The following WFS1 variants were observed in gnomAD, a reference collection of about 807,000 sequenced individuals.
WFS1 encodes wolframin ER transmembrane glycoprotein.
A neutral mutation model predicts 68.5 loss-of-function variants in WFS1; 90 were observed. The observed-to-expected ratio is 1.31, with a 90% CI of 1.11 to 1.56. WFS1 has a LOEUF of 1.56. WFS1 is among the 40% of genes most tolerant of loss of function. The pLI is 0.00. For missense variants in WFS1, 1,767 were observed against 1,232.6 expected (o/e 1.43, Z -6.49); for synonymous variants, 860 against 540.7 (o/e 1.59, Z -8.19).
chr4:6,299,517 G>A (rs894477270), intron 7 of WFS1, among the ~76,000 whole-genome samples: 2 of 145,904 alleles, frequency 1.4e-5, no homozygotes, highest in African/African-American at 5.1e-5. Flanking sequence ...GGTTGCGTGT[G>A]TGTGAATGTG....
At chr4:6,281,409 G>A (rs1381228397) in intron 2 of WFS1, among the ~76,000 whole-genome samples, 1 of 151,962 alleles carries the variant, frequency 6.6e-6, no homozygotes, top group African/African-American at 2.4e-5. Flanking sequence ...AAAGGAGAGG[G>A]CATTGTCGTG....
intron 7 of WFS1, among the ~76,000 whole-genome samples, chr4:6,300,089 G>T (rs939978174): frequency 6.6e-6 from 1 of 152,062 alleles, no homozygotes; most frequent in African/African-American, 2.4e-5. Context: ...CTGGGAGAGT[G>T]GTGCTGGGCC....
intron 1 of WFS1, among the ~76,000 whole-genome samples, chr4:6,276,238 T>C (rs1729991365): frequency 6.6e-6 from 1 of 152,152 alleles, no homozygotes; most frequent in South Asian, 2.1e-4. Flanking sequence ...ACGCCGCTCA[T>C]CCAGGGCCCA....
At chr4:6,294,912 T>C in intron 6 of WFS1, 129 bp from the exon 7 acceptor site, 1 of 1,507,412 alleles carries the variant, frequency 6.6e-7, no homozygotes, top group Non-Finnish European at 9.1e-7. Flanking sequence ...AAGGGTTTCC[T>C]CCACCTGAAC....
chr4:6,278,617 G>A (rs1730063992), intron 2 of WFS1, among the ~76,000 whole-genome samples: 1 of 152,224 alleles, frequency 6.6e-6, no homozygotes, highest in African/African-American at 2.4e-5. Context: ...GTGCTCGAGT[G>A]GTCCAGGTTT....
chr4:6,302,476 C>T lies in WFS1; in HGVS notation c.*8C>T, dbSNP rs780737779. 1 of 1,612,352 alleles carries T rather than the reference C, an allele frequency of 6.2e-7. No individual in the cohort carries two copies. The highest frequency in any genetic ancestry group is 1.1e-5 in the South Asian group (1 of 91,074). ...TTCCTGTCGGCGGCCTGAGGATGGT[C>T]CGCCACGAGGAGCTTCCAGTGCATG... is the stretch of plus-strand genomic sequence containing the variant. On this transcript the variant is annotated 3_prime_UTR_variant, in exon 8 of 8. Transcript: ENST00000226760.
At position 6,283,320 on chromosome 4, in the gene WFS1, C is replaced by T. The variant is rs903796691; in HGVS notation, c.233-3773C>T. Among the ~76,000 whole-genome samples the T allele has an allele frequency of 6.6e-6, 1 of 152,280 alleles. No homozygotes were observed. The highest frequency in any genetic ancestry group is 2.1e-4 in the South Asian group (1 of 4,818). Reference sequence around the variant, plus strand: ...ATTTTGTGATTGATAGGCAGACTTTCAAAGAATGAGTTAGATTCAGGACCC... The same window carrying T: ...ATTTTGTGATTGATAGGCAGACTTTTAAAGAATGAGTTAGATTCAGGACCC... On this transcript the variant is annotated intron_variant, in intron 2 of 7. Coordinates refer to ENST00000226760, the MANE Select transcript of WFS1 (RefSeq NM_006005.3). The surrounding 1 kb of genome is among the most constrained non-coding windows in gnomAD (Gnocchi z 5.0).
chr4:6,299,247 C>T (rs111467518), intron 7 of WFS1, among the ~76,000 whole-genome samples: 16 of 152,224 alleles, frequency 1.1e-4, no homozygotes, highest in Non-Finnish European at 2.1e-4. Flanking sequence ...TTCACCCCAT[C>T]CTGAGGCTGC....
rs554948687 is a variant in WFS1, at chr4:6,283,952, A to C, written c.233-3141A>C. On this transcript the variant is annotated intron_variant, in intron 2 of 7. Transcript: ENST00000226760. The surrounding 1 kb of genome is among the most constrained non-coding windows in gnomAD (Gnocchi z 5.0). ...ATCTTTCTGGCACTGAGCAGTGAGC[A>C]TGCTGGGATTTGCCTTTGAGCCCAC... Among the ~76,000 whole-genome samples, 14 of 152,288 alleles carry C rather than the reference A, an allele frequency of 9.2e-5. No individual in the cohort carries two copies. The highest frequency in any genetic ancestry group is 6.2e-4 in the South Asian group (3 of 4,820).
chr4:6,302,677 T>A lies in WFS1; in HGVS notation c.*209T>A. 1 of 705,812 alleles carries A rather than the reference T, an allele frequency of 1.4e-6. No individual in the cohort carries two copies. Among genetic ancestry groups the A allele is most frequent in the Non-Finnish European group, 2.3e-6 (1 of 432,188 alleles). 43.7% of individuals were successfully genotyped at this position (705,812 alleles called of 1,614,324 possible). On this transcript the variant is annotated 3_prime_UTR_variant, in exon 8 of 8. Coordinates refer to ENST00000226760, the MANE Select transcript of WFS1 (RefSeq NM_006005.3). ...CTGTCCACTCTGAATACCAAGTGTG[T>A]TGGGAATTGCATGCCATCTCCACCC...
At chr4:6,276,395 C>T (rs1241769985) in intron 1 of WFS1, among the ~76,000 whole-genome samples, 7 of 152,182 alleles carry the variant, frequency 4.6e-5, no homozygotes, top group African/African-American at 9.7e-5. Context: ...GCCCTTGCTC[C>T]GGCGTGACAC....
At position 6,301,635 on chromosome 4, in the gene WFS1, A is replaced by C. The variant is rs1199670243; in HGVS notation, c.1840A>C (p.Thr614Pro). 3 of 1,613,918 alleles carry C rather than the reference A, an allele frequency of 1.9e-6. No homozygotes were observed. In the South Asian group the frequency reaches 3.3e-5, roughly 18 times the overall value. The stretch of plus-strand genomic sequence containing the variant: ...TGTGCCCCTGCTGTTGCGCTGGTGG[A>C]CCAAGGCCAGCTTCTCTGTGGTGGG... ...CSVPLLLRWW[T>P]KASFSVVGMV... The change falls in exon 8 of 8, where the codon ACC (threonine) becomes CCC (proline). Residue 614 changes from threonine to proline, a missense_variant. Thr to Pro is a conservative substitution (Grantham distance 38, BLOSUM62 -1). Transcript: ENST00000226760.
intron 7 of WFS1, among the ~76,000 whole-genome samples, chr4:6,298,372 G>C (rs1277829108): frequency 6.6e-6 from 1 of 152,228 alleles, no homozygotes; most frequent in Admixed American, 6.5e-5. Context: ...AAACCCTGTA[G>C]TGCCTGGTCT....
At chr4:6,294,632 G>A in intron 6 of WFS1, 1 of 323,236 alleles carries the variant, frequency 3.1e-6, no homozygotes, top group Non-Finnish European at 6.1e-6. Context: ...CTACAGGGCG[G>A]CTTGTCACCC....
Position 6,298,034 on chromosome 4 carries a change from C to G in WFS1, c.862-2623C>G, listed in dbSNP as rs1353580664. On this transcript the variant is annotated intron_variant, in intron 7 of 7. Coordinates refer to ENST00000226760, the MANE Select transcript of WFS1 (RefSeq NM_006005.3). ...ACCAGGTGGTTGTGTGTGTTCTAGG[C>G]AAAAGAATGTGCATGGCTTTGAGTA... 3.3e-5 allele frequency among the ~76,000 whole-genome samples: 5 copies of G among 152,186 alleles called. No homozygotes were observed. In the East Asian group the frequency reaches 9.6e-4, roughly 29 times the overall value.
In WFS1 at chr4:6,299,837, TA is replaced by T. The variant is rs1362188681; in HGVS notation, c.862-819del. Among the ~76,000 whole-genome samples the T allele has an allele frequency of 3.2e-5, 4 of 125,108 alleles. No homozygotes were observed. The East Asian group carries it at 8.0e-4, about 25-fold the overall frequency. 82.1% of individuals were successfully genotyped at this position (125,108 alleles called of 152,430 possible). On this transcript the variant is annotated intron_variant, in intron 7 of 7. Coordinates refer to ENST00000226760, the MANE Select transcript of WFS1 (RefSeq NM_006005.3). ...TAGGTTGCGTGTGTGTGAATGTGTA[TA>T]GGGGTGGGTTGTGTGAATGCGTGTG...
Position 6,301,077 on chromosome 4 carries a change from C to T in WFS1, c.1282C>T (p.Pro428Ser). The T allele has an allele frequency of 1.9e-6, 3 of 1,614,126 alleles. No individual in the cohort carries two copies. The highest frequency in any genetic ancestry group is 2.5e-6 in the Non-Finnish European group (3 of 1,180,040). ...CCCCATCGCCAGCAAGGACTGCATC[C>T]CCTGCTCGGAGCTGGCTGTCATCAC... Reference protein sequence around the residue: ...SFPIASKDCIPCSELAVITGF... With the variant: ...SFPIASKDCISCSELAVITGF... The change falls in exon 8 of 8, where the codon CCC becomes TCC. Residue 428 changes from proline (P) to serine (S), a missense_variant. Physicochemically the swap from Pro to Ser is moderately conservative, Grantham distance 74. Coordinates refer to ENST00000226760, the MANE Select transcript of WFS1 (RefSeq NM_006005.3).
At chr4:6,284,233 C>T (rs931773201) in intron 2 of WFS1, among the ~76,000 whole-genome samples, 9 of 152,050 alleles carry the variant, frequency 5.9e-5, no homozygotes, top group Non-Finnish European at 1.2e-4. Flanking sequence ...CTTAGCTGGG[C>T]ATGGTGGCGG....
At chr4:6,282,539 A>G (rs530257051) in intron 2 of WFS1, among the ~76,000 whole-genome samples, 28 of 152,276 alleles carry the variant, frequency 1.8e-4, no homozygotes, top group African/African-American at 5.5e-4. Flanking sequence ...TATTTACCAC[A>G]TGCCTAAGAT....
Sources: gnomAD v4.1 joint callset for allele counts (sites outside exome capture counted in the v4.1 genomes callset) on GRCh38, gnomAD v4.1.1 for gene constraint, Gnocchi (gnomAD v3.1) non-coding constraint, MANE v1.5 for transcripts, NCBI Gene and HGNC (gene_info 2026-07-23, HGNC 2026-07-21) for gene names.